ALPK2: variants seen among roughly 807,000 people sequenced by gnomAD.
ALPK2 encodes the protein alpha-protein kinase 2.
ALPK2 carries 127 observed loss-of-function variants against 163.1 expected under a neutral mutation model. The ratio of observed to expected loss-of-function variants is 0.78; its 90% CI spans 0.67 to 0.90. The LOEUF is 0.90. Ranked by LOEUF, ALPK2 falls within the 40% of genes least tolerant of loss-of-function variation. The pLI, the probability that ALPK2 is intolerant of heterozygous loss-of-function variation, is 0.00. For missense variants in ALPK2, 2,360 were observed against 2,589.6 expected (o/e 0.91, Z 1.92); for synonymous variants, 953 against 959.1 (o/e 0.99, Z 0.12).
chr18:58,509,475 G>C (rs2051478557), intron 10 of ALPK2, among the ~76,000 whole-genome samples: 1 of 152,070 alleles, frequency 6.6e-6, no homozygotes, highest in African/African-American at 2.4e-5. Context: ...TTCCACAATG[G>C]TTGAACTAGT....
At chr18:58,582,800 T>C (rs1268567954) in intron 3 of ALPK2, among the ~76,000 whole-genome samples, 5 of 151,032 alleles carry the variant, frequency 3.3e-5, no homozygotes, top group Non-Finnish European at 7.4e-5. Context: ...AAGTGGGGGG[T>C]GGGGGCAAGA....
At chr18:58,610,275 C>CAAAAAAA (rs74183283) in intron 2 of ALPK2, among the ~76,000 whole-genome samples, 2 of 61,904 alleles carry the variant, frequency 3.2e-5, no homozygotes, top group Non-Finnish European at 5.9e-5. Context: ...GACCCTGTCT[C>CAAAAAAA]AAAAAAAAAA....
chr18:58,495,036 C>T (rs1332758624), intron 12 of ALPK2, among the ~76,000 whole-genome samples: 2 of 104,334 alleles, frequency 1.9e-5, no homozygotes, highest in African/African-American at 8.8e-5. Context: ...CAGGCTGCCC[C>T]ATGCCCCATG....
At chr18:58,533,950 A>G (rs747793973) in intron 5 of ALPK2, among the ~76,000 whole-genome samples, 1 of 152,140 alleles carries the variant, frequency 6.6e-6, no homozygotes, top group Non-Finnish European at 1.5e-5. Flanking sequence ...TTCCCTTCTG[A>G]TCAGCCATCC....
chr18:58,578,157 C>G (rs980664071), intron 4 of ALPK2: 1 of 152,170 alleles, frequency 6.6e-6, no homozygotes, highest in African/African-American at 2.4e-5. Flanking sequence ...AAATTTATTT[C>G]TTGGCAGCTT....
At chr18:58,597,921 T>C (rs914284660) in intron 3 of ALPK2, among the ~76,000 whole-genome samples, 6 of 152,208 alleles carry the variant, frequency 3.9e-5, no homozygotes, top group Non-Finnish European at 8.8e-5. Flanking sequence ...CTCTGTCCCA[T>C]GTGAGAACAT....
chr18:58,600,060 A>G, intron 3 of ALPK2, among the ~76,000 whole-genome samples: 1 of 100,400 alleles, frequency 1.0e-5, no homozygotes, highest in Non-Finnish European at 2.0e-5. Flanking sequence ...TTTTTGAGAC[A>G]GAGTCTCGCT....
chr18:58,483,835 G>C (rs895002387), intron 12 of ALPK2, among the ~76,000 whole-genome samples: 1 of 151,750 alleles, frequency 6.6e-6, no homozygotes, highest in African/African-American at 2.4e-5. Context: ...AAAGTGCTGG[G>C]ATTACAAACA....
Position 58,523,738 on chromosome 18 carries a change from C to T in ALPK2, c.5665+68G>A, listed in dbSNP as rs2051568451. The T allele has an allele frequency of 3.8e-6, 6 of 1,595,316 alleles. No individual in the cohort carries two copies. In the East Asian group the frequency reaches 1.3e-4, roughly 36 times the overall value. ...AGAGGATTACTGCTTCTACTCTTTC[C>T]TCTGGGAGCTATTTTATGCTTTACA... On this transcript the variant is annotated intron_variant, in intron 8 of 12. Transcript: ENST00000361673.
intron 4 of ALPK2, among the ~76,000 whole-genome samples, chr18:58,575,983 G>C (rs147647779): frequency 6.6e-6 from 1 of 152,156 alleles, no homozygotes; most frequent in Non-Finnish European, 1.5e-5. Context: ...TGCTAAAAAC[G>C]GTATGCAGAT....
intron 4 of ALPK2, among the ~76,000 whole-genome samples, chr18:58,564,226 G>A (rs371176596): frequency 1.4e-5 from 2 of 143,674 alleles, no homozygotes; most frequent in Non-Finnish European, 3.0e-5. Flanking sequence ...TGGTTCAAGC[G>A]ATTCTCCTGC....
In ALPK2 at chr18:58,578,828, T is replaced by A. The variant is rs1220668310; in HGVS notation, c.1948A>T (p.Ser650Cys). 1 of 1,612,394 alleles carries A rather than the reference T, an allele frequency of 6.2e-7. No homozygotes were observed. Among genetic ancestry groups the A allele is most frequent in the African/African-American group, 1.3e-5 (1 of 74,376 alleles). Residue 650 changes from serine to cysteine, a missense_variant, in exon 4 of 13, where the codon AGT (serine) becomes TGT (cysteine). Coordinates refer to ENST00000361673, the MANE Select transcript of ALPK2 (RefSeq NM_052947.4). Reference protein sequence around the residue: ...LFETSQVPDWSDPPQVQVQET... With the variant: ...LFETSQVPDWCDPPQVQVQET... ...AAAAGTCTTACCTGAGGAGGATCACTCCAGTCTGGAACCTGGCTTGTTTCA... is the reference window on the plus strand; with the variant it reads ...AAAAGTCTTACCTGAGGAGGATCACACCAGTCTGGAACCTGGCTTGTTTCA...
At chr18:58,608,724 G>A (rs559124974) in intron 2 of ALPK2, among the ~76,000 whole-genome samples, 1 of 152,106 alleles carries the variant, frequency 6.6e-6, no homozygotes. Flanking sequence ...GAGGCAGGGG[G>A]GTGAATCACT....
intron 12 of ALPK2, among the ~76,000 whole-genome samples, chr18:58,487,662 T>A (rs556267523): frequency 6.6e-6 from 1 of 152,348 alleles, no homozygotes; most frequent in Non-Finnish European, 1.5e-5. Flanking sequence ...TTAGCCTATC[T>A]CTTTATGTGA....
chr18:58,487,670 T>G (rs2051346644), intron 12 of ALPK2, among the ~76,000 whole-genome samples: 1 of 152,212 alleles, frequency 6.6e-6, no homozygotes, highest in Admixed American at 6.5e-5. Flanking sequence ...TCTCTTTATG[T>G]GAATCTATCC....
At chr18:58,490,914 TC>T in intron 12 of ALPK2, among the ~76,000 whole-genome samples, 1 of 152,202 alleles carries the variant, frequency 6.6e-6, no homozygotes, top group Admixed American at 6.5e-5. Context: ...ATGAGTCCCA[TC>T]CCCATGAATA....
chr18:58,567,213 C>T (rs1341763163), intron 4 of ALPK2, among the ~76,000 whole-genome samples: 1 of 145,330 alleles, frequency 6.9e-6, no homozygotes, highest in African/African-American at 2.5e-5. Flanking sequence ...TGACGAAACC[C>T]TGTCTCTACT....
intron 4 of ALPK2, chr18:58,543,524 G>A (rs531307032): frequency 2.6e-6 from 1 of 389,842 alleles, no homozygotes; most frequent in Admixed American, 6.4e-5. Context: ...AGGCTACAAG[G>A]TTGCAGATGA....
intron 12 of ALPK2, among the ~76,000 whole-genome samples, chr18:58,496,334 A>G (rs557199632): frequency 3.9e-5 from 6 of 152,294 alleles, no homozygotes; most frequent in South Asian, 2.1e-4. Context: ...AACATACCCA[A>G]TTCCCTGAAG....
Sources: allele counts gnomAD v4.1 joint callset (sites outside exome capture counted in the v4.1 genomes callset), GRCh38; gene constraint gnomAD v4.1.1; transcripts MANE v1.5; gene names NCBI Gene and HGNC (gene_info 2026-07-23, HGNC 2026-07-21).